Variants in PARP10 observed in about 807,000 individuals in gnomAD.
PARP10 encodes protein mono-ADP-ribosyltransferase PARP10.
A neutral mutation model predicts 82.4 loss-of-function variants in PARP10; 56 were observed. That is an observed-to-expected ratio of 0.68 (90% CI 0.55 to 0.85). The LOEUF (loss-of-function observed/expected upper bound fraction) is 0.85, where lower values mean the gene tolerates loss of function less well. Ranked by LOEUF, PARP10 falls within the 40% of genes least tolerant of loss-of-function variation. The pLI is 0.00. For synonymous variants in PARP10, 576 were observed against 601.1 expected, an observed-to-expected ratio of 0.96 and a Z score of 0.61; for missense variants, 1,227 against 1,379.4, an observed-to-expected ratio of 0.89 and a Z score of 1.75.
Position 143,977,689 on chromosome 8 carries a change from C to T in PARP10, c.2873G>A (p.Arg958His), listed in dbSNP as rs201667332. 2.4e-4 allele frequency: 382 copies of T among 1,591,732 alleles called. 2 individuals carry two copies. The African/African-American group carries it at 4.7e-3, about 20-fold the overall frequency. ...CCGCAGAGGGGGCGCCCGCAGACCG[C>T]GGCGGCCCTGCCCGTAGTCGCCAGT... Reference protein sequence around the residue: ...VLTGDYGQGRRGLRAPPLRGP... With the variant: ...VLTGDYGQGRHGLRAPPLRGP... Residue 958 changes from arginine to histidine, a missense_variant, in exon 11 of 11, where the codon CGC becomes CAC. Coordinates refer to ENST00000313028, the MANE Select transcript of PARP10 (RefSeq NM_032789.5).
rs1476406259 is a variant in PARP10, at chr8:144,011,931, G to T, written c.-80+599C>A. Among the ~76,000 whole-genome samples the T allele has an allele frequency of 1.3e-5, 2 of 152,160 alleles. No homozygotes were observed. The highest frequency in any genetic ancestry group is 2.9e-5 in the Non-Finnish European group (2 of 68,030). On this transcript the variant is annotated intron_variant, in intron 1 of 3. Coordinates refer to the PARP10 transcript ENST00000530478. The surrounding 1 kb of genome is among the most constrained non-coding windows in gnomAD (Gnocchi z 4.5). ...ACAGCAACCAGGAGAAGGCTGAGAG[G>T]CCAAACCCAGGCATGTTCAAGATCA...
intron 9 of PARP10, among the ~76,000 whole-genome samples, chr8:143,979,174 T>C (rs1166385053): frequency 6.6e-6 from 1 of 151,810 alleles, no homozygotes; most frequent in Non-Finnish European, 1.5e-5. Context: ...GGGGTTTCAC[T>C]GTGTTAGCCA....
intron 9 of PARP10, among the ~76,000 whole-genome samples, chr8:143,980,123 C>T (rs1268662209): frequency 6.7e-6 from 1 of 149,800 alleles, no homozygotes; most frequent in African/African-American, 2.5e-5. Flanking sequence ...AGATTGAGAC[C>T]ATCCTGGCTA....
At chr8:144,009,112 C>A (rs1834254871) in intron 1 of PARP10, among the ~76,000 whole-genome samples, 1 of 152,164 alleles carries the variant, frequency 6.6e-6, no homozygotes, top group Admixed American at 6.5e-5. Context: ...GAAAGAGGAA[C>A]CCGCCTGCAG....
At chr8:143,999,488 G>A (rs782681073) in intron 1 of PARP10, among the ~76,000 whole-genome samples, 10 of 152,048 alleles carry the variant, frequency 6.6e-5, no homozygotes, top group Non-Finnish European at 1.3e-4. Context: ...ACAAGCATAA[G>A]CCACTACGCT....
chr8:143,998,082 C>T (rs1351494309), intron 1 of PARP10, among the ~76,000 whole-genome samples: 10 of 152,072 alleles, frequency 6.6e-5, no homozygotes, highest in African/African-American at 2.4e-4. Flanking sequence ...TATGAGCCAC[C>T]GTGCCTAGCC....
At chr8:143,995,206 C>G (rs1177839728), upstream of PARP10, among the ~76,000 whole-genome samples, 1 of 152,150 alleles carries the variant, frequency 6.6e-6, no homozygotes, top group African/African-American at 2.4e-5. Flanking sequence ...GTGAAGGGCA[C>G]TCAGGCAGGG....
intron 1 of PARP10, chr8:144,012,408 C>T (rs1046825785): frequency 3.2e-6 from 3 of 950,296 alleles, no homozygotes; most frequent in South Asian, 1.5e-5. Context: ...ACTGGGCCAG[C>T]CTTGCAGACT....
At position 143,984,855 on chromosome 8, in the gene PARP10, C is replaced by G. The variant is rs1833946850; in HGVS notation, c.1147G>C (p.Gly383Arg). 2 of 1,609,808 alleles carry G rather than the reference C, an allele frequency of 1.2e-6. No homozygotes were observed. Among genetic ancestry groups the G allele is most frequent in the Non-Finnish European group, 8.5e-7 (1 of 1,176,610 alleles). Residue 383 changes from glycine (G) to arginine (R), a missense_variant, in exon 5 of 11, where the codon GGG becomes CGG. Gly to Arg is a moderately radical substitution (Grantham distance 125, BLOSUM62 -2). Coordinates refer to ENST00000313028, the MANE Select transcript of PARP10 (RefSeq NM_032789.5). Reference sequence around the variant, plus strand: ...GAGGTCTCCACTGGGCCTGCAGACCCCACAGGCCCCAGGCTCATGGGCCCC... The same window carrying G: ...GAGGTCTCCACTGGGCCTGCAGACCGCACAGGCCCCAGGCTCATGGGCCCC... ...QEGPMSLGPVGSAGPVETSKG... is the reference protein window; with the variant it reads ...QEGPMSLGPVRSAGPVETSKG...
chr8:144,005,912 A>G (rs1554752057), intron 1 of PARP10, among the ~76,000 whole-genome samples: 7 of 151,808 alleles, frequency 4.6e-5, no homozygotes, highest in Non-Finnish European at 8.8e-5. Context: ...CCACCACCAC[A>G]TTGACCATCT....
In PARP10 at chr8:143,984,549, A is replaced by G. The variant is rs782535962; in HGVS notation, c.1453T>C (p.Phe485Leu). 6.2e-7 allele frequency: 1 copy of G among 1,608,934 alleles called. No homozygotes were observed. The highest frequency in any genetic ancestry group is 2.2e-5 in the East Asian group (1 of 44,840). Reference sequence around the variant, plus strand: ...AGTCCTGAGGGGTCACTCACCCGAAAGCCAGTCATATCCGGTCCTTCAAGT... The same window carrying G: ...AGTCCTGAGGGGTCACTCACCCGAAGGCCAGTCATATCCGGTCCTTCAAGT... ...LPLEGPDMTG[F>L]RLCGAQASCQ... is the part of the protein sequence containing the mutation. Residue 485 changes from phenylalanine (F) to leucine (L), a missense_variant, in exon 5 of 11, where the codon TTT becomes CTT. Phe to Leu is a conservative substitution (Grantham distance 22). Coordinates refer to ENST00000313028, the MANE Select transcript of PARP10 (RefSeq NM_032789.5).
chr8:143,978,581 C>G (rs1385851709), intron 9 of PARP10, among the ~76,000 whole-genome samples: 6 of 152,200 alleles, frequency 3.9e-5, no homozygotes, highest in Non-Finnish European at 8.8e-5. Context: ...TGAAAAGGAA[C>G]TAGTCTGAAA....
chr8:143,994,955 G>T (rs1227930737), upstream of PARP10, among the ~76,000 whole-genome samples: 8 of 118,872 alleles, frequency 6.7e-5, no homozygotes, highest in Non-Finnish European at 1.4e-4. Flanking sequence ...GTCAGGGCGG[G>T]GGCAGGGGTG....
chr8:143,993,599 C>T (rs1481092403), upstream of PARP10, among the ~76,000 whole-genome samples: 2 of 152,224 alleles, frequency 1.3e-5, no homozygotes, highest in African/African-American at 4.8e-5. Flanking sequence ...TGGACAGAGA[C>T]CCTGGGGTGC....
At position 143,984,954 on chromosome 8, in the gene PARP10, T is replaced by C; in HGVS notation, c.1048A>G (p.Ser350Gly). The C allele has an allele frequency of 6.2e-7, 1 of 1,614,062 alleles. No individual in the cohort carries two copies. The highest frequency in any genetic ancestry group is 8.5e-7 in the Non-Finnish European group (1 of 1,180,024). Reference sequence around the variant, plus strand: ...TCCAGAGACCCCATGGGCATCGAGCTGACTTGCTCTGCCTGTCCCAGAGAC... The same window carrying C: ...TCCAGAGACCCCATGGGCATCGAGCCGACTTGCTCTGCCTGTCCCAGAGAC... ...MGSLGQAEQVSSMPMGSLEHE... is the reference protein window; with the variant it reads ...MGSLGQAEQVGSMPMGSLEHE... Residue 350 changes from serine to glycine, a missense_variant, in exon 5 of 11, where the codon AGC becomes GGC. By Grantham distance (56) the Ser-to-Gly change is moderately conservative. Coordinates refer to ENST00000313028, the MANE Select transcript of PARP10 (RefSeq NM_032789.5).
At chr8:143,987,787 A>T (rs1277109197), upstream of PARP10, among the ~76,000 whole-genome samples, 3 of 152,084 alleles carry the variant, frequency 2.0e-5, no homozygotes, top group Non-Finnish European at 4.4e-5. Context: ...GCTACTCAGG[A>T]GGCTGAGTCA....
chr8:144,000,572 G>A (rs1554751624), intron 1 of PARP10, among the ~76,000 whole-genome samples: 1 of 152,182 alleles, frequency 6.6e-6, no homozygotes, highest in Non-Finnish European at 1.5e-5. Context: ...GGAGCTTGCA[G>A]TGAGCCGAGA....
chr8:144,010,784 C>G (rs1834272795), intron 1 of PARP10, among the ~76,000 whole-genome samples: 1 of 152,036 alleles, frequency 6.6e-6, no homozygotes, highest in African/African-American at 2.4e-5. Context: ...ACTTGGGAGG[C>G]TGAGGCAGCA....
Position 143,977,621 on chromosome 8 carries a change from A to T in PARP10, c.2941T>A (p.Cys981Ser). 1.3e-6 allele frequency: 2 copies of T among 1,590,990 alleles called. No homozygotes were observed. Among genetic ancestry groups the T allele is most frequent in the Non-Finnish European group, 1.7e-6 (2 of 1,169,616 alleles). The part of the protein sequence containing the change: ...VLLRYDSAVD[C>S]ICQPSIFVIF... ...ACGAAGATGCTGGGCTGGCAGATGCAGTCCACGGCGCTGTCGTAGCGCAGG... is the reference window on the plus strand; with the variant it reads ...ACGAAGATGCTGGGCTGGCAGATGCTGTCCACGGCGCTGTCGTAGCGCAGG... The change falls in exon 11 of 11, where the codon TGC (cysteine) becomes AGC (serine). Residue 981 changes from cysteine (C) to serine (S), a missense_variant. Transcript: ENST00000313028.
Sources: gnomAD v4.1 joint callset for allele counts (sites outside exome capture counted in the v4.1 genomes callset) on GRCh38, gnomAD v4.1.1 for gene constraint, Gnocchi (gnomAD v3.1) non-coding constraint, MANE v1.5 for transcripts, NCBI Gene and HGNC (gene_info 2026-07-23, HGNC 2026-07-21) for gene names.